FRMPD3: variants seen among roughly 807,000 people sequenced by gnomAD.
FRMPD3 encodes the protein FERM and PDZ domain-containing protein 3.
FRMPD3 carries 42 observed loss-of-function variants against 97.9 expected under a neutral mutation model. That is an observed-to-expected ratio of 0.43 (90% CI 0.34 to 0.55). FRMPD3 has a LOEUF of 0.55. FRMPD3 is among the 20% of genes least tolerant of loss of function. FRMPD3 has a pLI of 0.03. For synonymous variants in FRMPD3, 577 were observed against 581.1 expected, an observed-to-expected ratio of 0.99 and a Z score of 0.10; for missense variants, 1,303 against 1,457.7, an observed-to-expected ratio of 0.89 and a Z score of 1.73.
Position 107,601,977 on chromosome X carries a change from C to G in FRMPD3, c.3938C>G (p.Thr1313Ser). ...RICRGGRPQA[T>S]QTPVPSLRGR... Reference sequence around the variant, plus strand: ...TGCCGGGGGGGCCGGCCACAAGCCACCCAGACACCAGTGCCCAGCCTCCGG... The same window carrying G: ...TGCCGGGGGGGCCGGCCACAAGCCAGCCAGACACCAGTGCCCAGCCTCCGG... Residue 1313 changes from threonine to serine, a missense_variant, in exon 15 of 15, where the codon ACC becomes AGC. Physicochemically the swap from Thr to Ser is moderately conservative, Grantham distance 58. Coordinates refer to ENST00000683843, the MANE Select transcript of FRMPD3 (RefSeq NM_001388459.1). 6.8e-6 allele frequency: 8 copies of G among 1,171,621 alleles called. No individual in the cohort carries two copies. Among genetic ancestry groups the G allele is most frequent in the Non-Finnish European group, 9.1e-6 (8 of 877,304 alleles).
chrX:107,593,776 C>G, intron 13 of FRMPD3, among the ~76,000 whole-genome samples: 1 of 111,757 alleles, frequency 8.9e-6, no homozygotes. Flanking sequence ...ATACCAGTAC[C>G]ATGCCTCGTA....
chrX:107,542,834 C>T (rs1416785833), intron 4 of FRMPD3, among the ~76,000 whole-genome samples: 1 of 111,892 alleles, frequency 8.9e-6, no homozygotes, highest in Admixed American at 9.4e-5. Flanking sequence ...TTGTAGGACT[C>T]AGGCTCCATG....
At chrX:107,577,650 A>AAAAC (rs923115540) in intron 13 of FRMPD3, among the ~76,000 whole-genome samples, 22 of 110,207 alleles carry the variant, frequency 2.0e-4, no homozygotes, top group Non-Finnish European at 1.9e-4. Flanking sequence ...CTCCCTCTCA[A>AAAAC]AAACAAACAA....
At chrX:107,478,401 G>A (rs895327036) in intron 1 of FRMPD3, among the ~76,000 whole-genome samples, 44 of 111,747 alleles carry the variant, frequency 3.9e-4, no homozygotes, top group African/African-American at 1.4e-3. Flanking sequence ...ACAAGTGGCT[G>A]AGCTGGAAGT....
At chrX:107,481,390 C>T (rs1921368483) in intron 1 of FRMPD3, among the ~76,000 whole-genome samples, 1 of 112,143 alleles carries the variant, frequency 8.9e-6, no homozygotes, top group Non-Finnish European at 1.9e-5. Context: ...GTAGGGATCC[C>T]TTTGTCCCCA....
chrX:107,520,762 G>A (rs1922482494), intron 1 of FRMPD3, among the ~76,000 whole-genome samples: 1 of 112,127 alleles, frequency 8.9e-6, no homozygotes, highest in Non-Finnish European at 1.9e-5. Flanking sequence ...TCACATTTTG[G>A]TGCCACACAA....
intron 6 of FRMPD3, among the ~76,000 whole-genome samples, chrX:107,551,900 G>A (rs143933550): frequency 4.4e-4 from 50 of 112,379 alleles, no homozygotes; most frequent in African/African-American, 1.5e-3. Context: ...ATAACTGAAC[G>A]TCTTTCAGTG....
intron 1 of FRMPD3, among the ~76,000 whole-genome samples, chrX:107,468,857 T>C (rs1951117546): frequency 8.9e-6 from 1 of 112,662 alleles, no homozygotes. Context: ...AGTCTTCTCT[T>C]TGGAATTTCA....
chrX:107,462,222 C>T (rs1263229491), intron 1 of FRMPD3, among the ~76,000 whole-genome samples: 2 of 111,995 alleles, frequency 1.8e-5, no homozygotes, highest in Non-Finnish European at 3.8e-5. Context: ...GGAATCTGAA[C>T]AGTCTTTCCA....
At chrX:107,478,562 A>G (rs751962943) in intron 1 of FRMPD3, among the ~76,000 whole-genome samples, 39 of 111,961 alleles carry the variant, frequency 3.5e-4, no homozygotes, top group Non-Finnish European at 6.0e-4. Flanking sequence ...CATTTTCCAT[A>G]AAACCTAGCA....
intron 12 of FRMPD3, among the ~76,000 whole-genome samples, chrX:107,574,295 A>G (rs1055090177): frequency 9.0e-6 from 1 of 111,106 alleles, no homozygotes; most frequent in African/African-American, 3.3e-5. Context: ...AAAAAAGGCA[A>G]AAAAGAAGTT....
At chrX:107,464,673 C>T (rs1931528522) in intron 1 of FRMPD3, among the ~76,000 whole-genome samples, 1 of 111,576 alleles carries the variant, frequency 9.0e-6, no homozygotes, top group Admixed American at 9.6e-5. Flanking sequence ...CCTGATGTTG[C>T]ACAGTTCTCA....
At chrX:107,454,745 A>C (rs1329490775) in intron 1 of FRMPD3, among the ~76,000 whole-genome samples, 1 of 112,289 alleles carries the variant, frequency 8.9e-6, no homozygotes, top group Non-Finnish European at 1.9e-5. Flanking sequence ...CCTGGCATTC[A>C]AAGTTCTCCT....
rs1931237763 is a variant in FRMPD3, at chrX:107,449,710, C to T, written c.-303C>T. On this transcript the variant is annotated 5_prime_UTR_variant, in exon 1 of 15. Coordinates refer to ENST00000683843, the MANE Select transcript of FRMPD3 (RefSeq NM_001388459.1). Reference sequence around the variant, plus strand: ...GGCGATGGTGCCGCCCGCGGCGCAGCCATGAAGCCCGCCCGAGGAGCCCGC... The same window carrying T: ...GGCGATGGTGCCGCCCGCGGCGCAGTCATGAAGCCCGCCCGAGGAGCCCGC... 9.1e-6 allele frequency among the ~76,000 whole-genome samples: 1 copy of T among 109,599 alleles called. No homozygotes were observed. The highest frequency in any genetic ancestry group is 1.9e-5 in the Non-Finnish European group (1 of 52,103).
intron 1 of FRMPD3, among the ~76,000 whole-genome samples, chrX:107,495,748 A>G (rs1331821256): frequency 1.8e-5 from 2 of 112,500 alleles, no homozygotes; most frequent in Admixed American, 9.4e-5. Context: ...ACGGACCCAT[A>G]ATCTGGATTA....
intron 1 of FRMPD3, among the ~76,000 whole-genome samples, chrX:107,460,933 T>C (rs1372119792): frequency 7.2e-5 from 8 of 111,616 alleles, no homozygotes; most frequent in Non-Finnish European, 9.4e-5. Context: ...GTAATCTTTC[T>C]AATATGTAGA....
rs1924759422 is a variant in FRMPD3 at position 107,604,879 on chromosome X, G to A, written c.*1506G>A. 9.0e-6 allele frequency: 1 copy of A among 110,613 alleles called. No individual in the cohort carries two copies. Among genetic ancestry groups the A allele is most frequent in the South Asian group, 3.9e-4 (1 of 2,569 alleles). The allele number at this position is 110,613 out of a possible 1,213,427, so 9.1% of individuals were successfully genotyped here. ...TAGTGCAATAAAGTCTCCCTGAGTG[G>A]TGAGTTCTCCCGGCAAGGAGGAGGG... On this transcript the variant is annotated 3_prime_UTR_variant, in exon 15 of 15. Transcript: ENST00000683843.
intron 1 of FRMPD3, among the ~76,000 whole-genome samples, chrX:107,514,822 G>A (rs939955591): frequency 3.6e-5 from 4 of 111,255 alleles, no homozygotes; most frequent in African/African-American, 6.5e-5. Context: ...CACTGTGCCC[G>A]GTCTTGGATG....
At chrX:107,516,379 G>T (rs973892095) in intron 1 of FRMPD3, among the ~76,000 whole-genome samples, 1 of 111,140 alleles carries the variant, frequency 9.0e-6, no homozygotes. Flanking sequence ...ATAATCCTTT[G>T]GGTATATACC....
Sources: gnomAD v4.1 joint callset for allele counts (sites outside exome capture counted in the v4.1 genomes callset) on GRCh38, gnomAD v4.1.1 for gene constraint, MANE v1.5 for transcripts, NCBI Gene and HGNC (gene_info 2026-07-23, HGNC 2026-07-21) for gene names.